The following PLPP3 variants were observed in gnomAD, a reference collection of about 807,000 sequenced individuals.
PLPP3 encodes the protein phospholipid phosphatase 3, also known as PAP2 beta.
PLPP3 carries 6 observed loss-of-function variants against 29.6 expected under a neutral mutation model. The observed-to-expected ratio is 0.20, with a 90% CI of 0.11 to 0.40. PLPP3 has a LOEUF of 0.40. Among genes scored for constraint, PLPP3 ranks in the 10% least tolerant of loss-of-function variants. The pLI, the probability that PLPP3 is intolerant of heterozygous loss-of-function variation, is 1.00. For missense variants in PLPP3, 308 were observed against 407.7 expected, an observed-to-expected ratio of 0.76 and a Z score of 2.11; for synonymous variants, 152 against 159.7, an observed-to-expected ratio of 0.95 and a Z score of 0.36.
At chr1:56,554,023 G>A (rs1646056795) in intron 1 of PLPP3, among the ~76,000 whole-genome samples, 1 of 151,460 alleles carries the variant, frequency 6.6e-6, no homozygotes, top group African/African-American at 2.4e-5. Flanking sequence ...TACTGACCAC[G>A]TATTATGAAA....
chr1:56,532,186 C>T (rs895296532), intron 2 of PLPP3, among the ~76,000 whole-genome samples: 1 of 152,054 alleles, frequency 6.6e-6, no homozygotes, highest in Non-Finnish European at 1.5e-5. Context: ...AAATAGATGC[C>T]CCCTCCCACT....
intron 5 of PLPP3, among the ~76,000 whole-genome samples, chr1:56,502,148 C>A (rs1182544143): frequency 6.6e-6 from 1 of 152,114 alleles, no homozygotes; most frequent in Non-Finnish European, 1.5e-5. Context: ...CTAGGAATGG[C>A]TGAATCAGCA....
intron 5 of PLPP3, among the ~76,000 whole-genome samples, chr1:56,509,095 G>A (rs1336987895): frequency 1.3e-5 from 2 of 152,176 alleles, no homozygotes; most frequent in East Asian, 3.9e-4. Flanking sequence ...GGACCATGAG[G>A]TCCCACTGAG....
chr1:56,535,812 ACT>A (rs1327897853), intron 2 of PLPP3, among the ~76,000 whole-genome samples: 2 of 151,942 alleles, frequency 1.3e-5, no homozygotes, highest in South Asian at 2.1e-4. Context: ...CAACTAAAAG[ACT>A]CTCAACGTTC....
intron 2 of PLPP3, among the ~76,000 whole-genome samples, chr1:56,534,082 G>A (rs891930593): frequency 1.2e-4 from 18 of 152,136 alleles, no homozygotes; most frequent in African/African-American, 4.1e-4. Flanking sequence ...TGAATACTTA[G>A]CATTTCTGCC....
In PLPP3 at chr1:56,579,481, CCTCCTCCGG is replaced by C. The variant is rs1292761697; in HGVS notation, c.-474_-466del. On this transcript the variant is annotated 5_prime_UTR_variant, in exon 1 of 6. Transcript: ENST00000371250. ...TCTAACTTTGCCTCCTCCTCCTCCT[CCTCCTCCGG>C]CTCCTCCTGCTCCTCCTGCTGTTGG... 23 of 181,516 alleles carry C rather than the reference CCTCCTCCGG, an allele frequency of 1.3e-4. No individual in the cohort carries two copies. The highest frequency in any genetic ancestry group is 3.2e-4 in the South Asian group (3 of 9,332). The allele number at this position is 181,516 out of a possible 1,614,324, so 11.2% of individuals were successfully genotyped here.
At chr1:56,566,156 T>C (rs1372350364) in intron 1 of PLPP3, among the ~76,000 whole-genome samples, 1 of 152,196 alleles carries the variant, frequency 6.6e-6, no homozygotes. Flanking sequence ...TGCCCCATGA[T>C]TGACCTAACA....
intron 1 of PLPP3, among the ~76,000 whole-genome samples, chr1:56,578,397 C>T (rs1488310960): frequency 1.3e-5 from 2 of 152,258 alleles, no homozygotes; most frequent in African/African-American, 4.8e-5. Context: ...GCCTGGGCAG[C>T]AAAGGCGGAA....
At chr1:56,550,035 C>T (rs573569380) in intron 1 of PLPP3, among the ~76,000 whole-genome samples, 43 of 152,208 alleles carry the variant, frequency 2.8e-4, no homozygotes, top group African/African-American at 1.0e-3. Flanking sequence ...AGAAGTAGGC[C>T]AGAAAGGGAC....
At chr1:56,522,411 C>T (rs549221907) in intron 4 of PLPP3, among the ~76,000 whole-genome samples, 2 of 152,114 alleles carry the variant, frequency 1.3e-5, no homozygotes, top group East Asian at 3.9e-4. Flanking sequence ...TATAAAACAT[C>T]GAAATTACAT....
chr1:56,576,716 A>G (rs1007794906), intron 1 of PLPP3, among the ~76,000 whole-genome samples: 2 of 152,198 alleles, frequency 1.3e-5, no homozygotes, highest in African/African-American at 4.8e-5. Flanking sequence ...CATAAGACCA[A>G]CAGTGAATAA....
Position 56,574,416 on chromosome 1 carries a change from G to A in PLPP3, c.139+4462C>T, listed in dbSNP as rs551853467. Among the ~76,000 whole-genome samples, 40 of 151,974 alleles carry A rather than the reference G, an allele frequency of 2.6e-4. No homozygotes were observed. The South Asian group carries it at 3.1e-3, about 12-fold the overall frequency. On this transcript the variant is annotated intron_variant, in intron 1 of 5. Transcript: ENST00000371250. ...GCTACAGGCTTGCACCACCACGCCC[G>A]GTTAATTTTTGATTTTTTTGTAGAG...
intron 1 of PLPP3, among the ~76,000 whole-genome samples, chr1:56,574,794 C>A (rs2100313763): frequency 6.6e-6 from 1 of 152,254 alleles, no homozygotes; most frequent in Non-Finnish European, 1.5e-5. Flanking sequence ...ACATATATAA[C>A]AATTCAATTA....
chr1:56,531,763 C>T (rs944700754), intron 2 of PLPP3, among the ~76,000 whole-genome samples: 3 of 152,182 alleles, frequency 2.0e-5, no homozygotes, highest in East Asian at 1.9e-4. Flanking sequence ...AGAGTAACCT[C>T]GGGCTAGTCA....
rs1307242699 is a variant in PLPP3, at chr1:56,556,960, A to AAG, written c.140-19850_140-19849dup. The stretch of plus-strand genomic sequence containing the variant: ...AGAGAGAGAGAGACAGAGAGAAAGA[A>AAG]AGAAAGAAAGAAAGAAAGAAAGAAA... On this transcript the variant is annotated intron_variant, in intron 1 of 5. Transcript: ENST00000371250. 1.0e-3 allele frequency among the ~76,000 whole-genome samples: 3 copies of AAG among 2,888 alleles called. No individual in the cohort carries two copies. The East Asian group carries it at 0.015, about 15-fold the overall frequency. The allele number at this position is 2,888 out of a possible 152,430, so 1.9% of individuals were successfully genotyped here. A position where few individuals can be genotyped will look rare whatever the true frequency, so the allele number is the denominator to read the frequency against.
At chr1:56,506,226 A>T (rs1645701035) in intron 5 of PLPP3, among the ~76,000 whole-genome samples, 1 of 152,224 alleles carries the variant, frequency 6.6e-6, no homozygotes, top group South Asian at 2.1e-4. Flanking sequence ...TTAGCCCTTT[A>T]GATGGAATCA....
intron 5 of PLPP3, among the ~76,000 whole-genome samples, chr1:56,504,472 A>T (rs966431404): frequency 4.5e-4 from 69 of 152,262 alleles, no homozygotes; most frequent in African/African-American, 1.6e-3. Flanking sequence ...GCTTAGGAAC[A>T]TAGTACCCAA....
intron 1 of PLPP3, among the ~76,000 whole-genome samples, chr1:56,567,049 G>T (rs2100303326): frequency 6.6e-6 from 1 of 152,262 alleles, no homozygotes; most frequent in South Asian, 2.1e-4. Flanking sequence ...TTTACTATTT[G>T]CATGTTTAAC....
chr1:56,565,982 G>C (rs951414391), intron 1 of PLPP3, among the ~76,000 whole-genome samples: 2 of 152,212 alleles, frequency 1.3e-5, no homozygotes, highest in African/African-American at 4.8e-5. Context: ...AAATAAACAA[G>C]ACCAGAGTGA....
Sources: allele counts gnomAD v4.1 joint callset (sites outside exome capture counted in the v4.1 genomes callset), GRCh38; gene constraint gnomAD v4.1.1; transcripts MANE v1.5; gene names NCBI Gene and HGNC (gene_info 2026-07-23, HGNC 2026-07-21).